Variants in PPARD observed in about 807,000 individuals in gnomAD.
PPARD encodes the protein peroxisome proliferator-activated receptor delta.
A neutral mutation model predicts 39.5 loss-of-function variants in PPARD; 6 were observed. The observed-to-expected ratio is 0.15, with a 90% CI of 0.08 to 0.30. The LOEUF (loss-of-function observed/expected upper bound fraction) is 0.30. PPARD is among the 10% of genes least tolerant of loss of function. The pLI is 1.00. For synonymous variants in PPARD, 210 were observed against 231.3 expected (o/e 0.91, Z 0.83); for missense variants, 397 against 596.8 (o/e 0.67, Z 3.49).
chr6:35,402,504 G>T (rs999496531), intron 2 of PPARD, among the ~76,000 whole-genome samples: 2 of 152,148 alleles, frequency 1.3e-5, no homozygotes, highest in Non-Finnish European at 2.9e-5. Context: ...TCCTGTCTCT[G>T]GTCTCTTCTC....
chr6:35,374,316 G>GGGGGT (rs1762670028), intron 2 of PPARD, among the ~76,000 whole-genome samples: 1 of 150,114 alleles, frequency 6.7e-6, no homozygotes, highest in African/African-American at 2.5e-5. Context: ...GGTGGGGCGG[G>GGGGGT]GGGGTTTAGT....
chr6:35,365,257 G>A (rs1185629364), intron 2 of PPARD, among the ~76,000 whole-genome samples: 2 of 146,488 alleles, frequency 1.4e-5, no homozygotes, highest in South Asian at 2.1e-4. Flanking sequence ...TCAGCCTCCC[G>A]AGTAGCTGGG....
intron 5 of PPARD, among the ~76,000 whole-genome samples, chr6:35,423,142 G>A (rs1470412667): frequency 6.6e-6 from 1 of 151,814 alleles, no homozygotes; most frequent in Non-Finnish European, 1.5e-5. Flanking sequence ...GAGGCGGGAG[G>A]ATCACTTTAG....
At chr6:35,387,055 C>G (rs1763711289) in intron 2 of PPARD, among the ~76,000 whole-genome samples, 1 of 151,960 alleles carries the variant, frequency 6.6e-6, no homozygotes, top group Non-Finnish European at 1.5e-5. Flanking sequence ...GGTCACACAA[C>G]AGGGTCGGCA....
intron 2 of PPARD, 100 bp from the exon 3 acceptor site, chr6:35,410,887 A>G: frequency 8.1e-7 from 1 of 1,229,990 alleles, no homozygotes; most frequent in Non-Finnish European, 1.0e-6. Flanking sequence ...GAGCAGAAGA[A>G]CCCCCTCCAT....
In PPARD at chr6:35,421,887, A is replaced by G. The variant is rs748848435; in HGVS notation, c.353A>G (p.Gln118Arg). The change falls in exon 5 of 8, where the codon CAG becomes CGG. Residue 118 changes from glutamine to arginine, a missense_variant. Physicochemically the swap from Gln to Arg is conservative, Grantham distance 43. Coordinates refer to ENST00000360694, the MANE Select transcript of PPARD (RefSeq NM_006238.5). ...YEKCERSCKI[Q>R]KKNRNKCQYC... ...AAGTGTGAGCGCAGCTGCAAGATTC[A>G]GAAGAAGAACCGCAACAAGTGCCAG... is the stretch of plus-strand genomic sequence containing the variant. The G allele has an allele frequency of 1.2e-6, 2 of 1,614,040 alleles. No homozygotes were observed. The highest frequency in any genetic ancestry group is 1.7e-6 in the Non-Finnish European group (2 of 1,179,948).
intron 2 of PPARD, among the ~76,000 whole-genome samples, chr6:35,384,374 T>C (rs372394857): frequency 0.21 from 14,731 of 71,820 alleles, no homozygotes; most frequent in African/African-American, 0.27. Flanking sequence ...TCTGCCTGGC[T>C]GCCCCTACTG....
intron 2 of PPARD, among the ~76,000 whole-genome samples, chr6:35,354,726 T>C (rs565420340): frequency 6.6e-6 from 1 of 152,358 alleles, no homozygotes; most frequent in East Asian, 1.9e-4. Context: ...TCTGGCACAT[T>C]TGCAGTAGGC....
chr6:35,348,434 G>A, intron 2 of PPARD: 3 of 985,406 alleles, frequency 3.0e-6, no homozygotes, highest in Non-Finnish European at 3.6e-6. Context: ...TTCTCAGGAT[G>A]CCTGGCAGGT....
chr6:35,394,069 C>G (rs1764171050), intron 2 of PPARD, among the ~76,000 whole-genome samples: 1 of 152,234 alleles, frequency 6.6e-6, no homozygotes, highest in African/African-American at 2.4e-5. Context: ...ACAATTTAAA[C>G]TACAAACATG....
intron 2 of PPARD, among the ~76,000 whole-genome samples, chr6:35,383,821 C>A (rs1374351162): frequency 6.9e-6 from 1 of 145,764 alleles, no homozygotes; most frequent in Non-Finnish European, 1.5e-5. Flanking sequence ...AGTGAGGAGA[C>A]CCTCCACCCG....
Position 35,426,110 on chromosome 6 carries a change from A to G in PPARD, c.*31A>G. ...GCACCCAGGCCTCCCTGCAGACTCC[A>G]ATGGGGCCAGCACTGGAGGGGCCCA... On this transcript the variant is annotated 3_prime_UTR_variant, in exon 8 of 8. Coordinates refer to ENST00000360694, the MANE Select transcript of PPARD (RefSeq NM_006238.5). The G allele has an allele frequency of 6.2e-7, 1 of 1,600,980 alleles. No homozygotes were observed. Among genetic ancestry groups the G allele is most frequent in the East Asian group, 2.2e-5 (1 of 44,824 alleles).
intron 2 of PPARD, among the ~76,000 whole-genome samples, chr6:35,393,369 C>A (rs1028314683): frequency 6.6e-6 from 1 of 152,182 alleles, no homozygotes; most frequent in Admixed American, 6.5e-5. Flanking sequence ...TCAAGAGAGT[C>A]CCTTCTCTCT....
chr6:35,417,781 C>T (rs932478475), intron 3 of PPARD, among the ~76,000 whole-genome samples: 29 of 151,908 alleles, frequency 1.9e-4, no homozygotes, highest in African/African-American at 5.8e-4. Context: ...CCGCCCGCGT[C>T]GGCCTCCCAA....
chr6:35,416,651 C>G (rs1765791172), intron 3 of PPARD, among the ~76,000 whole-genome samples: 1 of 152,176 alleles, frequency 6.6e-6, no homozygotes, highest in African/African-American at 2.4e-5. Context: ...TTACCCCCAC[C>G]TCTACCCAGG....
intron 2 of PPARD, chr6:35,348,807 G>A (rs1761039997): frequency 2.0e-6 from 2 of 985,318 alleles, no homozygotes; most frequent in African/African-American, 1.7e-5. Flanking sequence ...GGAAGAAGGG[G>A]GGAGTTTCAG....
rs142775337 is a variant in PPARD, at chr6:35,382,816, T to C, written c.-101-28171T>C. ...ATCCTCAGTTTCTTCATCTGTCAAA[T>C]TTTGATCCTGTGGACCCTCCCCAAC... On this transcript the variant is annotated intron_variant, in intron 2 of 7. Transcript: ENST00000360694. Among the ~76,000 whole-genome samples the C allele has an allele frequency of 1.7e-3, 262 of 152,346 alleles. 1 individual carries two copies. Among genetic ancestry groups the C allele is most frequent in the African/African-American group, 5.8e-3 (243 of 41,582 alleles).
intron 2 of PPARD, among the ~76,000 whole-genome samples, chr6:35,399,416 A>C (rs1233890337): frequency 2.0e-5 from 3 of 151,294 alleles, no homozygotes; most frequent in Non-Finnish European, 4.4e-5. Flanking sequence ...AAAAAAAAAA[A>C]AAACAAAGGC....
chr6:35,347,214 T>A lies in PPARD; in HGVS notation c.-102+64T>A, dbSNP rs9462074. Reference sequence around the variant, plus strand: ...ACTGACACAGGATCCAGATTTAAGATCCTGACCTTGAAGATGAAATAATTT... The same window carrying A: ...ACTGACACAGGATCCAGATTTAAGAACCTGACCTTGAAGATGAAATAATTT... On this transcript the variant is annotated intron_variant, in intron 2 of 7. Transcript: ENST00000360694. 753 of 1,511,990 alleles carry A rather than the reference T, an allele frequency of 5.0e-4. 5 individuals are homozygous for A. In the African/African-American group the frequency reaches 9.4e-3, roughly 19 times the overall value. The allele number at this position is 1,511,990 out of a possible 1,614,324, so 93.7% of individuals were successfully genotyped here.
Sources: gnomAD v4.1 joint callset for allele counts (sites outside exome capture counted in the v4.1 genomes callset) on GRCh38, gnomAD v4.1.1 for gene constraint, MANE v1.5 for transcripts, NCBI Gene and HGNC (gene_info 2026-07-23, HGNC 2026-07-21) for gene names.